Variants in DACT2 observed in about 807,000 individuals in gnomAD.
DACT2 encodes the protein dapper homolog 2.
DACT2 carries 20 observed loss-of-function variants against 22.2 expected under a neutral mutation model. That is an observed-to-expected ratio of 0.90 (90% CI 0.63 to 1.31). DACT2 has a LOEUF of 1.31. Ranked by LOEUF, DACT2 falls within the 50% of genes most tolerant of loss-of-function variation. DACT2 has a pLI of 0.00. For synonymous variants in DACT2, 463 were observed against 479.8 expected (o/e 0.96, Z 0.46); for missense variants, 1,048 against 1,061.4 (o/e 0.99, Z 0.18).
intron 1 of DACT2, among the ~76,000 whole-genome samples, chr6:168,311,569 A>AAC (rs1271507030): frequency 8.0e-5 from 5 of 62,836 alleles, no homozygotes; most frequent in Admixed American, 3.7e-4. Context: ...CTCACACACA[A>AAC]ACACACACAC....
chr6:168,299,909 A>C (rs1003436438), intron 3 of DACT2: 3 of 152,320 alleles, frequency 2.0e-5, no homozygotes, highest in Admixed American at 6.5e-5. Context: ...AAGAAAGCCG[A>C]AAATCAACAA....
chr6:168,307,511 C>A lies in DACT2; in HGVS notation c.2246G>T (p.Arg749Leu), dbSNP rs769332995. The A allele has an allele frequency of 1.9e-6, 3 of 1,551,614 alleles. 1 individual carries two copies. In the South Asian group the frequency reaches 3.6e-5, roughly 18 times the overall value. ...PLLSPVPKLC[R>L]IKASKALKKK... ...CTTCAGGGCCTTGGAGGCCTTAATA[C>A]GGCACAGCTTGGGCACGGGGGACAG... is the stretch of plus-strand genomic sequence containing the variant. Residue 749 changes from arginine (R) to leucine (L), a missense_variant, in exon 4 of 4, where the codon CGT (arginine) becomes CTT (leucine). By Grantham distance (102) the Arg-to-Leu change is moderately radical. Transcript: ENST00000366795. This position sits in a 1 kb window ranked among gnomAD's most constrained non-coding sequence, Gnocchi z 5.3.
exon 6 of DACT2, chr6:168,293,110 G>C (rs1298988656): frequency 3.3e-5 from 5 of 152,220 alleles, no homozygotes; most frequent in African/African-American, 1.2e-4. Flanking sequence ...TTTGGTAAAT[G>C]AGAAGACCGG....
At chr6:168,312,245 G>A (rs1469530543) in intron 1 of DACT2, among the ~76,000 whole-genome samples, 1 of 152,202 alleles carries the variant, frequency 6.6e-6, no homozygotes, top group East Asian at 1.9e-4. Context: ...GCCCAGGCTG[G>A]AGTGCAGTGG....
At chr6:168,305,141 C>CAATTGATT (rs1049765125), downstream of DACT2, among the ~76,000 whole-genome samples, 14 of 152,104 alleles carry the variant, frequency 9.2e-5, no homozygotes, top group Non-Finnish European at 1.8e-4. Context: ...GGAAGGAGAA[C>CAATTGATT]GATTGATTGA....
intron 3 of DACT2, among the ~76,000 whole-genome samples, chr6:168,309,564 C>A (rs1441677978): frequency 7.9e-6 from 1 of 127,156 alleles, no homozygotes; most frequent in Non-Finnish European, 1.7e-5. Flanking sequence ...GTTCAGCGCC[C>A]TCATTTCCCT....
At chr6:168,304,270 G>A (rs1229933135), downstream of DACT2, among the ~76,000 whole-genome samples, 1 of 152,196 alleles carries the variant, frequency 6.6e-6, no homozygotes, top group East Asian at 1.9e-4. Flanking sequence ...GGAAAAATAT[G>A]CACAGAACAT....
intron 3 of DACT2, chr6:168,299,999 G>A (rs1779076276): frequency 6.6e-6 from 1 of 152,248 alleles, no homozygotes; most frequent in Non-Finnish European, 1.5e-5. Context: ...ACTTGTTCCA[G>A]GGCCAGGGGA....
rs1779360489 is a variant in DACT2, at chr6:168,310,243, C to T, written c.583G>A (p.Gly195Ser). Residue 195 changes from glycine (G) to serine (S), a missense_variant, in exon 3 of 4, where the codon GGC (glycine) becomes AGC (serine). Gly to Ser is a moderately conservative substitution (Grantham distance 56). Transcript: ENST00000366795. ...TCCACGCTCCCTGGGGGCCTGGCGC[C>T]CTCCTCGGTAGCCTGGGGTCTCCAC... ...PAWRPQATEE[G>S]ARPPGSVEDA... 2.6e-6 allele frequency: 4 copies of T among 1,551,186 alleles called. No individual in the cohort carries two copies. The highest frequency in any genetic ancestry group is 3.5e-6 in the Non-Finnish European group (4 of 1,147,012).
Position 168,311,597 on chromosome 6 carries a change from T to C in DACT2, c.247-313A>G, listed in dbSNP as rs111975313. Among the ~76,000 whole-genome samples, 901 of 99,678 alleles carry C rather than the reference T, an allele frequency of 9.0e-3. 2 individuals carry two copies. The highest frequency in any genetic ancestry group is 0.014 in the African/African-American group (318 of 22,654). 65.4% of individuals were successfully genotyped at this position (99,678 alleles called of 152,430 possible). A position where few individuals can be genotyped will look rare whatever the true frequency, so the allele number is the denominator to read the frequency against. The stretch of plus-strand genomic sequence containing the variant: ...ACACACACCCATCCACACACACACA[T>C]ACACACACACTCACACAAACACACA... On this transcript the variant is annotated intron_variant, in intron 1 of 3. Transcript: ENST00000366795.
At chr6:168,294,335 C>T (rs1778962143) in intron 4 of DACT2, 1 of 676,384 alleles carries the variant, frequency 1.5e-6, no homozygotes, top group Non-Finnish European at 2.7e-6. Context: ...GGCCACGCTT[C>T]TCCCCTCCTA....
rs185050407 is a variant in DACT2, at chr6:168,309,210, G to A, written c.659-112C>T. On this transcript the variant is annotated intron_variant, in intron 3 of 3. Coordinates refer to ENST00000366795, the MANE Select transcript of DACT2 (RefSeq NM_214462.5). ...GGAAACGCTGCTCATTCACTGCTTC[G>A]AGGAACTCCTGGGTCCCATGGGAGA... The A allele has an allele frequency of 2.6e-4, 366 of 1,420,896 alleles. 2 individuals are homozygous for A. In the South Asian group the frequency reaches 2.6e-3, roughly 10 times the overall value. The allele number at this position is 1,420,896 out of a possible 1,614,324, so 88.0% of individuals were successfully genotyped here.
At chr6:168,301,326 C>T (rs1302958879) in intron 3 of DACT2, among the ~76,000 whole-genome samples, 2 of 152,206 alleles carry the variant, frequency 1.3e-5, no homozygotes, top group Non-Finnish European at 2.9e-5. Context: ...TCTCCCCCTA[C>T]ACCTCTGCTT....
At chr6:168,318,945 CT>C (rs1279820699) in intron 1 of DACT2, among the ~76,000 whole-genome samples, 2 of 148,258 alleles carry the variant, frequency 1.3e-5, no homozygotes, top group Non-Finnish European at 3.0e-5. Flanking sequence ...ACTGTTGCCC[CT>C]AACCCAAGAC....
intron 3 of DACT2, among the ~76,000 whole-genome samples, chr6:168,297,683 T>C (rs1289294540): frequency 6.6e-6 from 1 of 152,224 alleles, no homozygotes; most frequent in Non-Finnish European, 1.5e-5. Context: ...CACATACAGC[T>C]ACCTGGGAGA....
rs1419003168 is a variant in DACT2 at position 168,310,239 on chromosome 6, G to A, written c.587C>T (p.Ala196Val). Residue 196 changes from alanine (A) to valine (V), a missense_variant, in exon 3 of 4, where the codon GCC becomes GTC. Transcript: ENST00000366795. ...AWRPQATEEG[A>V]RPPGSVEDAG... ...ATCCTCCACGCTCCCTGGGGGCCTG[G>A]CGCCCTCCTCGGTAGCCTGGGGTCT... The A allele has an allele frequency of 5.2e-6, 8 of 1,551,206 alleles. No homozygotes were observed. The East Asian group carries it at 1.2e-4, about 24-fold the overall frequency.
intron 1 of DACT2, among the ~76,000 whole-genome samples, chr6:168,313,569 C>G (rs1779474828): frequency 2.0e-5 from 3 of 152,164 alleles, no homozygotes; most frequent in Admixed American, 2.0e-4. Flanking sequence ...AAAGAGGAAG[C>G]CTGGATCCAA....
rs1421270968 is a variant in DACT2 at position 168,311,612 on chromosome 6, A to T, written c.247-328T>A. ...CACACACACATACACACACACTCAC[A>T]CAAACACACACACACCCATCCACAC... On this transcript the variant is annotated intron_variant, in intron 1 of 3. Coordinates refer to ENST00000366795, the MANE Select transcript of DACT2 (RefSeq NM_214462.5). Among the ~76,000 whole-genome samples the T allele has an allele frequency of 2.8e-5, 4 of 141,432 alleles. No homozygotes were observed. The South Asian group carries it at 6.8e-4, about 24-fold the overall frequency. 92.8% of individuals were successfully genotyped at this position (141,432 alleles called of 152,430 possible).
Position 168,308,276 on chromosome 6 carries a change from C to T in DACT2, c.1481G>A (p.Ser494Asn), listed in dbSNP as rs932894053. The change falls in exon 4 of 4, where the codon AGC becomes AAC. Residue 494 changes from serine (S) to asparagine (N), a missense_variant. By Grantham distance (46) the Ser-to-Asn change is conservative. Transcript: ENST00000366795. ...AASLKMGPPKSKAEKIKRSPM... is the reference protein window; with the variant it reads ...AASLKMGPPKNKAEKIKRSPM... ...ACTTCTCTTGATTTTTTCAGCCTTG[C>T]TCTTGGGGGGACCCATTTTCAGGCT... is the stretch of plus-strand genomic sequence containing the variant. 56 of 1,552,188 alleles carry T rather than the reference C, an allele frequency of 3.6e-5. No individual in the cohort carries two copies. The highest frequency in any genetic ancestry group is 4.6e-5 in the Non-Finnish European group (53 of 1,147,126).
Sources: allele counts gnomAD v4.1 joint callset (sites outside exome capture counted in the v4.1 genomes callset), GRCh38; gene constraint gnomAD v4.1.1; non-coding constraint Gnocchi (gnomAD v3.1); transcripts MANE v1.5; gene names NCBI Gene and HGNC (gene_info 2026-07-23, HGNC 2026-07-21).